ATOH8: variants seen among roughly 807,000 people sequenced by gnomAD.
ATOH8 encodes transcription factor ATOH8.
Under a neutral mutation model 21.2 loss-of-function variants are expected in ATOH8, and 9 were observed. The observed-to-expected ratio is 0.42, with a 90% CI of 0.26 to 0.74. ATOH8 has a LOEUF of 0.74. Among genes scored for constraint, ATOH8 ranks in the 30% least tolerant of loss-of-function variants. ATOH8 has a pLI of 0.24. For missense variants in ATOH8, 524 were observed against 470.9 expected, an observed-to-expected ratio of 1.11 and a Z score of -1.04; for synonymous variants, 253 against 224.0, an observed-to-expected ratio of 1.13 and a Z score of -1.16.
At chr2:85,773,709 G>T (rs990061066) in intron 2 of ATOH8, 2 of 152,242 alleles carry the variant, frequency 1.3e-5, no homozygotes, top group African/African-American at 4.8e-5. Context: ...CTTTGCAAAA[G>T]CCTCACATTT....
At chr2:85,786,468 AGGAAGC>A (rs1322105905) in intron 2 of ATOH8, among the ~76,000 whole-genome samples, 45 of 152,326 alleles carry the variant, frequency 3.0e-4, no homozygotes, top group African/African-American at 1.1e-3. Flanking sequence ...GGGCAGCGCA[AGGAAGC>A]TGCAGATGGC....
rs1310011875 is a variant in ATOH8, at chr2:85,766,023, A to G, written c.960+1841A>G. On this transcript the variant is annotated intron_variant, in intron 2 of 2. Coordinates refer to ENST00000306279, the MANE Select transcript of ATOH8 (RefSeq NM_032827.7). The surrounding 1 kb of genome is among the most constrained non-coding windows in gnomAD (Gnocchi z 4.0). The stretch of plus-strand genomic sequence containing the variant: ...GAGTTCAAGCCCTGGCTCACCACTC[A>G]CCAGCTGTGTTATCCTGCACCCATT... Among the ~76,000 whole-genome samples the G allele has an allele frequency of 2.0e-5, 3 of 152,202 alleles. No homozygotes were observed. Among genetic ancestry groups the G allele is most frequent in the East Asian group, 1.9e-4 (1 of 5,180 alleles).
intron 2 of ATOH8, among the ~76,000 whole-genome samples, chr2:85,779,506 C>G (rs1244583349): frequency 6.6e-6 from 1 of 152,234 alleles, no homozygotes; most frequent in African/African-American, 2.4e-5. Context: ...AGCTCTGGCC[C>G]TGGCCCTGGG....
At chr2:85,774,197 G>C (rs1680266725) in intron 2 of ATOH8, 2 of 985,388 alleles carry the variant, frequency 2.0e-6, no homozygotes, top group African/African-American at 3.5e-5. Flanking sequence ...GGAAGGAAGA[G>C]GAACCACTGT....
chr2:85,776,065 CCT>C (rs2104526077), intron 2 of ATOH8, among the ~76,000 whole-genome samples: 1 of 152,308 alleles, frequency 6.6e-6, no homozygotes, highest in African/African-American at 2.4e-5. Flanking sequence ...TTTGCAGAGC[CCT>C]CTCACACCCA....
chr2:85,774,682 A>C, intron 2 of ATOH8: 1 of 985,390 alleles, frequency 1.0e-6, no homozygotes, highest in Non-Finnish European at 1.2e-6. Flanking sequence ...CCTAAGGCCT[A>C]GGGGGCTCCC....
At chr2:85,770,485 A>G (rs1680151408) in intron 2 of ATOH8, among the ~76,000 whole-genome samples, 1 of 152,270 alleles carries the variant, frequency 6.6e-6, no homozygotes, top group African/African-American at 2.4e-5. Context: ...CCAACTAGCC[A>G]TAAAAATGGA....
intron 1 of ATOH8, among the ~76,000 whole-genome samples, chr2:85,759,460 A>G (rs867630797): frequency 6.6e-6 from 1 of 152,212 alleles, no homozygotes; most frequent in Middle Eastern, 3.4e-3. Context: ...AGATGAGGAC[A>G]CTTACAGAGA....
chr2:85,774,970 C>T lies in ATOH8; in HGVS notation c.960+10788C>T, dbSNP rs190188745. 3.7e-4 allele frequency: 367 copies of T among 984,826 alleles called. 4 individuals carry two copies. The African/African-American group carries it at 5.9e-3, about 16-fold the overall frequency. 61.0% of individuals were successfully genotyped at this position (984,826 alleles called of 1,614,324 possible). On this transcript the variant is annotated intron_variant, in intron 2 of 2. Coordinates refer to ENST00000306279, the MANE Select transcript of ATOH8 (RefSeq NM_032827.7). ...AACCCCAGCTCCTTCCTCAGGGTGT[C>T]GTAGCACAGGGATGCTTTTGGTCTA... is the stretch of plus-strand genomic sequence containing the variant.
At chr2:85,763,821 C>CGT (rs61491730) in intron 1 of ATOH8, among the ~76,000 whole-genome samples, 170 bp from the exon 2 acceptor site, 15,770 of 143,682 alleles carry the variant, frequency 0.11, 854 homozygotes, top group Middle Eastern at 0.22. Flanking sequence ...GATGAGCTGA[C>CGT]GTGTGTGTGT....
In ATOH8 at chr2:85,754,128, G is replaced by C. The variant is rs1679586042; in HGVS notation, c.-62G>C. On this transcript the variant is annotated 5_prime_UTR_variant, in exon 1 of 3. Coordinates refer to ENST00000306279, the MANE Select transcript of ATOH8 (RefSeq NM_032827.7). The stretch of plus-strand genomic sequence containing the variant: ...GAAGCGGGAGAGCCAGAGACTCCTC[G>C]GCGCTGAGCGCGGCGGCGGCCCGGG... The C allele has an allele frequency of 2.1e-6, 3 of 1,412,622 alleles. No individual in the cohort carries two copies. Among genetic ancestry groups the C allele is most frequent in the Admixed American group, 3.6e-5 (1 of 27,766 alleles). The allele number at this position is 1,412,622 out of a possible 1,614,324, so 87.5% of individuals were successfully genotyped here.
chr2:85,759,063 C>T (rs564922212), intron 1 of ATOH8, among the ~76,000 whole-genome samples: 25 of 152,314 alleles, frequency 1.6e-4, no homozygotes, highest in African/African-American at 5.3e-4. Context: ...GTCCTCTCTA[C>T]GGAGGACATG....
intron 2 of ATOH8, among the ~76,000 whole-genome samples, chr2:85,782,778 C>G (rs1314369288): frequency 6.6e-6 from 1 of 152,178 alleles, no homozygotes; most frequent in African/African-American, 2.4e-5. Context: ...TCACTGCAAC[C>G]TTTGCCTCCT....
intron 2 of ATOH8, among the ~76,000 whole-genome samples, chr2:85,784,991 A>T (rs971856371): frequency 3.9e-5 from 6 of 152,254 alleles, no homozygotes; most frequent in Non-Finnish European, 5.9e-5. Flanking sequence ...ATTGAAGGTC[A>T]GGCCTTGGTG....
At chr2:85,784,255 A>G (rs1171792083) in intron 2 of ATOH8, among the ~76,000 whole-genome samples, 1 of 152,154 alleles carries the variant, frequency 6.6e-6, no homozygotes, top group Non-Finnish European at 1.5e-5. Context: ...CGGTCAAATC[A>G]GTTGGGAAGG....
chr2:85,764,730 A>C (rs929816648), intron 2 of ATOH8, among the ~76,000 whole-genome samples: 5 of 152,186 alleles, frequency 3.3e-5, no homozygotes, highest in African/African-American at 1.2e-4. Context: ...GATGACAAAC[A>C]TATGGTCCTG....
Position 85,788,664 on chromosome 2 carries a change from G to A in ATOH8, c.*1774G>A, listed in dbSNP as rs751806790. On this transcript the variant is annotated 3_prime_UTR_variant, in exon 3 of 3. Coordinates refer to ENST00000306279, the MANE Select transcript of ATOH8 (RefSeq NM_032827.7). ...TGGCCAAGGAAAGGGGGATAGGAGG[G>A]GACCGGAGGCTGCAGCCATACAGGA... 6.6e-6 allele frequency among the ~76,000 whole-genome samples: 1 copy of A among 152,198 alleles called. No homozygotes were observed. Among genetic ancestry groups the A allele is most frequent in the Non-Finnish European group, 1.5e-5 (1 of 68,030 alleles).
intron 2 of ATOH8, among the ~76,000 whole-genome samples, chr2:85,768,261 C>CCATGTGCT (rs1680079201): frequency 6.6e-6 from 1 of 152,196 alleles, no homozygotes; most frequent in African/African-American, 2.4e-5. Flanking sequence ...GCTTGCCGCT[C>CCATGTGCT]CATGTGCTGT....
intron 2 of ATOH8, among the ~76,000 whole-genome samples, chr2:85,777,433 A>C (rs962669460): frequency 2.0e-5 from 3 of 152,180 alleles, no homozygotes; most frequent in Non-Finnish European, 4.4e-5. Context: ...GACGCATGAT[A>C]AAGAACAAGG....
Sources: gnomAD v4.1 joint callset for allele counts (sites outside exome capture counted in the v4.1 genomes callset) on GRCh38, gnomAD v4.1.1 for gene constraint, Gnocchi (gnomAD v3.1) non-coding constraint, MANE v1.5 for transcripts, NCBI Gene and HGNC (gene_info 2026-07-23, HGNC 2026-07-21) for gene names.